Variants in TRDN observed in about 807,000 individuals in gnomAD.
TRDN encodes the protein triadin in skeletal muscle.
TRDN carries 161 observed loss-of-function variants against 149.7 expected under a neutral mutation model. The observed-to-expected ratio is 1.08, with a 90% CI of 0.95 to 1.23. The LOEUF (loss-of-function observed/expected upper bound fraction) is 1.23. TRDN is among the 50% of genes most tolerant of loss of function. The probability of loss-of-function intolerance (pLI) is 0.00; values close to 1 mark genes in which losing one functional copy is unlikely to be tolerated. For synonymous variants in TRDN, 294 were observed against 250.5 expected, an observed-to-expected ratio of 1.17 and a Z score of -1.64; for missense variants, 896 against 823.5, an observed-to-expected ratio of 1.09 and a Z score of -1.08.
intron 9 of TRDN, among the ~76,000 whole-genome samples, chr6:123,494,782 G>A (rs1400106385): frequency 6.6e-6 from 1 of 152,044 alleles, no homozygotes; most frequent in African/African-American, 2.4e-5. Flanking sequence ...GGCCCAGGCT[G>A]GAGTACAGTG....
intron 24 of TRDN, among the ~76,000 whole-genome samples, chr6:123,294,326 T>C (rs1370909091): frequency 6.6e-6 from 1 of 152,174 alleles, no homozygotes; most frequent in Non-Finnish European, 1.5e-5. Flanking sequence ...TTACCTCTCC[T>C]AGGAACTTGG....
intron 38 of TRDN, among the ~76,000 whole-genome samples, chr6:123,229,634 G>C (rs1173596748): frequency 6.6e-6 from 1 of 151,888 alleles, no homozygotes; most frequent in African/African-American, 2.4e-5. Context: ...CATCTCTTTG[G>C]AGTCAAGGGT....
At chr6:123,371,867 T>C (rs1333846342) in intron 19 of TRDN, among the ~76,000 whole-genome samples, 1 of 152,148 alleles carries the variant, frequency 6.6e-6, no homozygotes, top group Non-Finnish European at 1.5e-5. Context: ...ATCACTCTAG[T>C]GCTGTATGAG....
At chr6:123,270,684 T>C (rs1355186905) in intron 30 of TRDN, among the ~76,000 whole-genome samples, 1 of 152,002 alleles carries the variant, frequency 6.6e-6, no homozygotes, top group Non-Finnish European at 1.5e-5. Context: ...TGTTGATCAT[T>C]CTCTAAGGCA....
intron 1 of TRDN, among the ~76,000 whole-genome samples, chr6:123,601,608 C>A (rs926097783): frequency 5.9e-5 from 9 of 152,046 alleles, no homozygotes; most frequent in Non-Finnish European, 8.8e-5. Context: ...GGCTGCTACA[C>A]CAGAGCTCAG....
At chr6:123,385,147 G>C (rs1214121347) in intron 14 of TRDN, among the ~76,000 whole-genome samples, 1 of 152,162 alleles carries the variant, frequency 6.6e-6, no homozygotes, top group Non-Finnish European at 1.5e-5. Context: ...TGAAATACCA[G>C]CTGGGCGCGG....
At chr6:123,573,107 CA>C (rs1339627845) in intron 1 of TRDN, among the ~76,000 whole-genome samples, 36 of 151,906 alleles carry the variant, frequency 2.4e-4, no homozygotes, top group Admixed American at 2.4e-3. Flanking sequence ...AACAGTCAAG[CA>C]AAAAAGTTAT....
intron 38 of TRDN, among the ~76,000 whole-genome samples, chr6:123,244,675 G>A (rs1368513456): frequency 6.6e-6 from 1 of 152,138 alleles, no homozygotes; most frequent in Non-Finnish European, 1.5e-5. Context: ...CACACTTCAT[G>A]ATATTATCCA....
intron 2 of TRDN, among the ~76,000 whole-genome samples, chr6:123,563,365 C>A (rs966532079): frequency 6.6e-6 from 1 of 152,160 alleles, no homozygotes; most frequent in South Asian, 2.1e-4. Flanking sequence ...TAAAAAACTA[C>A]TTCTGGCTTC....
At chr6:123,234,092 G>A (rs538663815) in intron 38 of TRDN, among the ~76,000 whole-genome samples, 3 of 151,980 alleles carry the variant, frequency 2.0e-5, no homozygotes, top group African/African-American at 7.3e-5. Context: ...AAGTTATTCA[G>A]CTTTTTAAGT....
chr6:123,495,416 G>A (rs1375109629), intron 9 of TRDN, among the ~76,000 whole-genome samples: 1 of 151,914 alleles, frequency 6.6e-6, no homozygotes. Flanking sequence ...CTACTCAGGA[G>A]GCTGAGGCAG....
intron 24 of TRDN, among the ~76,000 whole-genome samples, chr6:123,298,807 A>G (rs1330719700): frequency 6.6e-6 from 1 of 152,086 alleles, no homozygotes; most frequent in African/African-American, 2.4e-5. Context: ...GAAACATGCC[A>G]TTAAAGGAAA....
At position 123,260,601 on chromosome 6, in the gene TRDN, T is replaced by G. The variant is rs1338144236; in HGVS notation, c.1831+11A>C. ...CTGTATCTTATCTCCTCTGAAAAAG[T>G]AAATATTTACCTGATTCTGTGACTT... On this transcript the variant is annotated intron_variant, in intron 34 of 40. Coordinates refer to ENST00000334268, the MANE Select transcript of TRDN (RefSeq NM_006073.4). 7.0e-7 allele frequency: 1 copy of G among 1,427,020 alleles called. No individual in the cohort carries two copies. Among genetic ancestry groups the G allele is most frequent in the Non-Finnish European group, 9.2e-7 (1 of 1,089,602 alleles). 88.4% of individuals were successfully genotyped at this position (1,427,020 alleles called of 1,614,324 possible).
intron 9 of TRDN, among the ~76,000 whole-genome samples, chr6:123,481,077 A>G (rs1777726577): frequency 6.6e-6 from 1 of 152,122 alleles, no homozygotes; most frequent in Non-Finnish European, 1.5e-5. Context: ...TAAAAATCTA[A>G]TCATGGAACT....
chr6:123,523,454 T>C (rs1314085146), intron 5 of TRDN, among the ~76,000 whole-genome samples: 1 of 152,014 alleles, frequency 6.6e-6, no homozygotes, highest in African/African-American at 2.4e-5. Flanking sequence ...GCTGTAGGGG[T>C]AGCAGTGATC....
At chr6:123,467,578 A>G (rs1776905322) in intron 9 of TRDN, among the ~76,000 whole-genome samples, 1 of 152,108 alleles carries the variant, frequency 6.6e-6, no homozygotes, top group African/African-American at 2.4e-5. Flanking sequence ...GCCTGTCTCC[A>G]TGGTGACAGT....
chr6:123,489,879 TC>T (rs1778136444), intron 9 of TRDN, among the ~76,000 whole-genome samples: 2 of 151,486 alleles, frequency 1.3e-5, no homozygotes, highest in African/African-American at 4.9e-5. Context: ...CCTGGAGACA[TC>T]TTTTTTTTTT....
chr6:123,239,123 G>A (rs1472992264), intron 38 of TRDN, among the ~76,000 whole-genome samples: 2 of 152,198 alleles, frequency 1.3e-5, no homozygotes, highest in African/African-American at 4.8e-5. Context: ...ACAGGCGTGA[G>A]CCACTATGCC....
intron 12 of TRDN, chr6:123,429,343 T>A (rs909578800): frequency 1.3e-5 from 2 of 152,256 alleles, no homozygotes; most frequent in Non-Finnish European, 2.9e-5. Context: ...ACTGTTGTTA[T>A]GATTACTTTA....
Sources: allele counts gnomAD v4.1 joint callset (sites outside exome capture counted in the v4.1 genomes callset), GRCh38; gene constraint gnomAD v4.1.1; transcripts MANE v1.5; gene names NCBI Gene and HGNC (gene_info 2026-07-23, HGNC 2026-07-21).